The following ATRNL1 variants were observed in gnomAD, a reference collection of about 807,000 sequenced individuals.
ATRNL1 encodes attractin-like protein 1.
Under a neutral mutation model 182.7 loss-of-function variants are expected in ATRNL1, and 95 were observed. The ratio of observed to expected loss-of-function variants is 0.52; its 90% CI spans 0.44 to 0.62. The LOEUF (loss-of-function observed/expected upper bound fraction) is 0.62, where lower values mean the gene tolerates loss of function less well. Ranked by LOEUF, ATRNL1 falls within the 20% of genes least tolerant of loss-of-function variation. The pLI is 0.00. For missense variants in ATRNL1, 1,471 were observed against 1,679.5 expected, an observed-to-expected ratio of 0.88 and a Z score of 2.17; for synonymous variants, 576 against 568.3, an observed-to-expected ratio of 1.01 and a Z score of -0.19.
At chr10:115,712,253 C>T (rs1947084079) in intron 26 of ATRNL1, among the ~76,000 whole-genome samples, 1 of 152,136 alleles carries the variant, frequency 6.6e-6, no homozygotes. Context: ...TTTCAGAGCA[C>T]TGGCCACACA....
At chr10:115,270,215 C>T (rs1263554386) in intron 13 of ATRNL1, among the ~76,000 whole-genome samples, 2 of 143,206 alleles carry the variant, frequency 1.4e-5, no homozygotes, top group East Asian at 3.9e-4. Flanking sequence ...TATATATATA[C>T]ACACATACAC....
intron 24 of ATRNL1, among the ~76,000 whole-genome samples, chr10:115,504,550 G>A (rs782736680): frequency 6.6e-6 from 1 of 151,956 alleles, no homozygotes; most frequent in Non-Finnish European, 1.5e-5. Context: ...CTTGGGCTGG[G>A]TTTAAAGTTT....
intron 26 of ATRNL1, among the ~76,000 whole-genome samples, chr10:115,583,246 T>C (rs1326443246): frequency 7.3e-6 from 1 of 136,774 alleles, no homozygotes; most frequent in Admixed American, 7.9e-5. Context: ...TTTGGTTCCA[T>C]ATGAACTTTA....
chr10:115,690,053 G>C (rs752931886), intron 26 of ATRNL1, among the ~76,000 whole-genome samples: 38 of 152,158 alleles, frequency 2.5e-4, no homozygotes, highest in Admixed American at 4.6e-4. Flanking sequence ...TGCTTGCAAG[G>C]CCAAGTACAG....
At chr10:115,782,501 C>A (rs1349192405) in intron 27 of ATRNL1, among the ~76,000 whole-genome samples, 3 of 152,222 alleles carry the variant, frequency 2.0e-5, no homozygotes, top group Non-Finnish European at 4.4e-5. Flanking sequence ...AACCTCCTCA[C>A]ATCATCTAAT....
chr10:115,157,204 A>G (rs548517194), intron 5 of ATRNL1, among the ~76,000 whole-genome samples: 114 of 152,240 alleles, frequency 7.5e-4, no homozygotes, highest in Non-Finnish European at 1.3e-3. Context: ...GTAGACCATA[A>G]ATGTGTATAA....
intron 3 of ATRNL1, among the ~76,000 whole-genome samples, chr10:115,125,256 G>T (rs1343444793): frequency 3.3e-5 from 5 of 152,124 alleles, no homozygotes; most frequent in Non-Finnish European, 5.9e-5. Context: ...TAACCTTTAG[G>T]TAGGTATTAA....
chr10:115,658,344 AC>A (rs1450446082), intron 26 of ATRNL1, among the ~76,000 whole-genome samples: 1 of 150,028 alleles, frequency 6.7e-6, no homozygotes, highest in Non-Finnish European at 1.5e-5. Flanking sequence ...ATAATACAAA[AC>A]CCCTTAAAGG....
intron 26 of ATRNL1, among the ~76,000 whole-genome samples, chr10:115,628,977 C>T (rs934083232): frequency 1.3e-5 from 2 of 152,080 alleles, no homozygotes; most frequent in Admixed American, 1.3e-4. Flanking sequence ...ATGAGTTTAT[C>T]TCTCATTTTT....
At chr10:115,545,369 A>G (rs1302406728) in intron 25 of ATRNL1, among the ~76,000 whole-genome samples, 1 of 152,142 alleles carries the variant, frequency 6.6e-6, no homozygotes, top group East Asian at 1.9e-4. Flanking sequence ...TATTATTTTA[A>G]AAATATTTTC....
At chr10:115,917,947 AT>A (rs575221492) in intron 28 of ATRNL1, among the ~76,000 whole-genome samples, 239 of 152,264 alleles carry the variant, frequency 1.6e-3, no homozygotes, top group Non-Finnish European at 2.9e-3. Context: ...GTTTCTAATA[AT>A]TGTTAAAATA....
chr10:115,389,713 C>G (rs960302699), intron 19 of ATRNL1, among the ~76,000 whole-genome samples: 4 of 151,004 alleles, frequency 2.6e-5, no homozygotes, highest in Non-Finnish European at 5.9e-5. Flanking sequence ...TGGCTATATA[C>G]CCAGAACAGG....
intron 26 of ATRNL1, among the ~76,000 whole-genome samples, chr10:115,631,242 A>G (rs1402698151): frequency 6.6e-6 from 1 of 152,142 alleles, no homozygotes; most frequent in African/African-American, 2.4e-5. Flanking sequence ...ATCAAAAATT[A>G]GTAACTATAT....
intron 28 of ATRNL1, among the ~76,000 whole-genome samples, chr10:115,917,723 C>A (rs1470214290): frequency 6.6e-6 from 1 of 152,080 alleles, no homozygotes; most frequent in East Asian, 1.9e-4. Flanking sequence ...TGAAGATATT[C>A]ATGCTAACCA....
At chr10:115,823,127 A>G (rs1200437461) in intron 27 of ATRNL1, among the ~76,000 whole-genome samples, 1 of 152,218 alleles carries the variant, frequency 6.6e-6, no homozygotes, top group Non-Finnish European at 1.5e-5. Context: ...CTGGTTCAAC[A>G]TACGCTAATC....
intron 28 of ATRNL1, among the ~76,000 whole-genome samples, chr10:115,869,840 T>C (rs189478087): frequency 3.7e-4 from 57 of 152,290 alleles, no homozygotes; most frequent in Admixed American, 2.3e-3. Flanking sequence ...AAAATGAGTA[T>C]TTCTCCATGT....
intron 9 of ATRNL1, among the ~76,000 whole-genome samples, chr10:115,238,077 T>C (rs1191556474): frequency 6.6e-6 from 1 of 152,180 alleles, no homozygotes; most frequent in Non-Finnish European, 1.5e-5. Context: ...GAGCTCTCTA[T>C]TCTGTTTCCT....
At chr10:115,656,543 TG>T (rs782321415) in intron 26 of ATRNL1, among the ~76,000 whole-genome samples, 4 of 152,168 alleles carry the variant, frequency 2.6e-5, no homozygotes, top group Non-Finnish European at 5.9e-5. Flanking sequence ...CTGTCCAGGG[TG>T]GGTACCTGCG....
intron 26 of ATRNL1, among the ~76,000 whole-genome samples, chr10:115,609,957 C>T (rs1272908114): frequency 1.3e-5 from 2 of 152,192 alleles, no homozygotes; most frequent in South Asian, 4.1e-4. Context: ...TGAGTCTAAT[C>T]ATGTGGACAG....
Sources: allele counts gnomAD v4.1 joint callset (sites outside exome capture counted in the v4.1 genomes callset), GRCh38; gene constraint gnomAD v4.1.1; transcripts MANE v1.5; gene names NCBI Gene and HGNC (gene_info 2026-07-23, HGNC 2026-07-21).